CCNYL1: variants seen among roughly 807,000 people sequenced by gnomAD.
CCNYL1 encodes cyclin Y like 1, also known as cyclin-Y-like protein 1.
Under a neutral mutation model 44.2 loss-of-function variants are expected in CCNYL1, and 16 were observed. That is an observed-to-expected ratio of 0.36 (90% CI 0.25 to 0.55). The LOEUF (loss-of-function observed/expected upper bound fraction) is 0.55. Ranked by LOEUF, CCNYL1 falls within the 20% of genes least tolerant of loss-of-function variation. The pLI, the probability that CCNYL1 is intolerant of heterozygous loss-of-function variation, is 0.85. For missense variants in CCNYL1, 348 were observed against 451.8 expected, an observed-to-expected ratio of 0.77 and a Z score of 2.08; for synonymous variants, 159 against 163.2, an observed-to-expected ratio of 0.97 and a Z score of 0.20.
At chr2:207,751,441 T>C (rs1204710891) in intron 9 of CCNYL1, among the ~76,000 whole-genome samples, 1 of 152,202 alleles carries the variant, frequency 6.6e-6, no homozygotes, top group Non-Finnish European at 1.5e-5. Flanking sequence ...TTTTTTTAGC[T>C]GGGCACTGTG....
Position 207,724,803 on chromosome 2 carries a change from T to C in CCNYL1, c.224T>C (p.Leu75Ser), listed in dbSNP as rs959187149. 5.6e-6 allele frequency: 9 copies of C among 1,612,260 alleles called. No individual in the cohort carries two copies. In the African/African-American group the frequency reaches 1.1e-4, roughly 19 times the overall value. The change falls in exon 2 of 10, where the codon TTA becomes TCA. Residue 75 changes from leucine (L) to serine (S), a missense_variant. Leu to Ser is a moderately radical substitution (Grantham distance 145, BLOSUM62 -2). Coordinates refer to ENST00000295414, the MANE Select transcript of CCNYL1 (RefSeq NM_001330218.2). ...HISDREMPED[L>S]ALESNPSDHP... Reference sequence around the variant, plus strand: ...TCTTTTTCCTCCTCTTCTATAGATTTAGCTTTGGAGTCAAACCCTTCTGAC... The same window carrying C: ...TCTTTTTCCTCCTCTTCTATAGATTCAGCTTTGGAGTCAAACCCTTCTGAC...
chr2:207,720,607 C>A (rs1039378091), intron 1 of CCNYL1, among the ~76,000 whole-genome samples: 2 of 152,026 alleles, frequency 1.3e-5, no homozygotes, highest in Non-Finnish European at 2.9e-5. Flanking sequence ...AGATGGGGGT[C>A]TCACTATGTT....
intron 8 of CCNYL1, among the ~76,000 whole-genome samples, chr2:207,748,084 T>A (rs561542569): frequency 2.4e-3 from 360 of 152,310 alleles, no homozygotes; most frequent in Non-Finnish European, 4.4e-3. Context: ...CATTGTATAT[T>A]TGCTTTTGCT....
chr2:207,742,249 T>C lies in CCNYL1; in HGVS notation c.546T>C (p.Phe182=), dbSNP rs780056280. 5 of 1,612,430 alleles carry C rather than the reference T, an allele frequency of 3.1e-6. No individual in the cohort carries two copies. The highest frequency in any genetic ancestry group is 1.7e-6 in the Non-Finnish European group (2 of 1,179,694). Residue 182 remains phenylalanine, a synonymous_variant, in exon 7 of 10, where the codon TTT becomes TTC. Coordinates refer to ENST00000295414, the MANE Select transcript of CCNYL1 (RefSeq NM_001330218.2). ...LTREKVPEEY[F]KHDPEHKFIY... Reference sequence around the variant, plus strand: ...GAGAAAAAGTTCCAGAGGAATACTTTAAGCATGATCCTGAGCACAAATTTA... The same window carrying C: ...GAGAAAAAGTTCCAGAGGAATACTTCAAGCATGATCCTGAGCACAAATTTA...
rs1299979575 is a variant in CCNYL1, at chr2:207,737,532, TC to T, written c.467+87del. On this transcript the variant is annotated intron_variant, in intron 5 of 9. Transcript: ENST00000295414. The stretch of plus-strand genomic sequence containing the variant: ...CAGTATTAGGTCATAACTATAGACA[TC>T]ATAAGCTATAGATTGCTATTACAGT... 3 of 1,077,372 alleles carry T rather than the reference TC, an allele frequency of 2.8e-6. No individual in the cohort carries two copies. In the African/African-American group the frequency reaches 4.7e-5, roughly 17 times the overall value. The allele number at this position is 1,077,372 out of a possible 1,614,324, so 66.7% of individuals were successfully genotyped here.
chr2:207,747,401 A>AG (rs2091861821), intron 8 of CCNYL1, among the ~76,000 whole-genome samples, 188 bp downstream of exon 8: 1 of 152,144 alleles, frequency 6.6e-6, no homozygotes, highest in Non-Finnish European at 1.5e-5. Context: ...AAAAAAAAAA[A>AG]CTAACTTCAT....
rs2091925082 is a variant in CCNYL1, at chr2:207,755,453, A to AAAG, written c.*1756_*1758dup. On this transcript the variant is annotated 3_prime_UTR_variant, in exon 10 of 10. Coordinates refer to ENST00000295414, the MANE Select transcript of CCNYL1 (RefSeq NM_001330218.2). ...TAGCATTTATATTTCTACAAGTATC[A>AAAG]AAGCTTAAAATTACACTGAACTTTT... 1 of 152,214 alleles carries AAAG rather than the reference A, an allele frequency of 6.6e-6. No homozygotes were observed. The highest frequency in any genetic ancestry group is 6.5e-5 in the Admixed American group (1 of 15,286). 9.4% of individuals were successfully genotyped at this position (152,214 alleles called of 1,614,324 possible). A position where few individuals can be genotyped will look rare whatever the true frequency, so the allele number is the denominator to read the frequency against.
In CCNYL1 at chr2:207,751,014, C is replaced by T. The variant is rs61729929; in HGVS notation, c.864C>T (p.Ala288=). 7.6e-4 allele frequency: 1,219 copies of T among 1,613,846 alleles called. 7 individuals are homozygous for T. The Middle Eastern group carries it at 8.6e-3, about 11-fold the overall frequency. ...TTCAGTTTAATATTAATGTTCCTGC[C>T]AGTGTTTATGCCAAATACTACTTTG... ...ELLQFNINVP[A]SVYAKYYFDL... The change falls in exon 9 of 10, where the codon GCC becomes GCT. Residue 288 remains alanine (A), a synonymous_variant. Transcript: ENST00000295414.
chr2:207,730,375 G>T (rs930048303), intron 3 of CCNYL1, among the ~76,000 whole-genome samples: 2 of 152,134 alleles, frequency 1.3e-5, no homozygotes, highest in Admixed American at 1.3e-4. Context: ...ACTTGATCCT[G>T]TTCCAGTCAC....
chr2:207,741,244 C>A (rs1045071462), intron 6 of CCNYL1, among the ~76,000 whole-genome samples: 8 of 147,774 alleles, frequency 5.4e-5, no homozygotes, highest in Non-Finnish European at 8.9e-5. Flanking sequence ...GACAGTGAGA[C>A]TCCATCTCAA....
chr2:207,737,161 T>C (rs1188748262), intron 4 of CCNYL1, among the ~76,000 whole-genome samples: 5 of 152,168 alleles, frequency 3.3e-5, no homozygotes, highest in Admixed American at 2.0e-4. Context: ...GTGATCCACC[T>C]GCCTCGGCCT....
chr2:207,720,310 CT>C (rs1166662503), intron 1 of CCNYL1, among the ~76,000 whole-genome samples: 1 of 151,382 alleles, frequency 6.6e-6, no homozygotes, highest in Non-Finnish European at 1.5e-5. Context: ...TTTTTTCCAC[CT>C]TTTTTTCAGT....
intron 4 of CCNYL1, among the ~76,000 whole-genome samples, chr2:207,735,012 T>C (rs1215043860): frequency 6.6e-6 from 1 of 152,190 alleles, no homozygotes; most frequent in African/African-American, 2.4e-5. Context: ...CACTCCACTT[T>C]GGCTAGAGTC....
intron 8 of CCNYL1, 31 bp downstream of exon 8, chr2:207,747,244 A>G: frequency 1.9e-6 from 3 of 1,582,700 alleles, no homozygotes; most frequent in Non-Finnish European, 2.6e-6. Flanking sequence ...TGAACTTTCT[A>G]ACCATTTTCC....
chr2:207,743,536 G>A (rs2091827711), intron 7 of CCNYL1, among the ~76,000 whole-genome samples: 1 of 152,114 alleles, frequency 6.6e-6, no homozygotes, highest in Non-Finnish European at 1.5e-5. Context: ...GATCACTTGA[G>A]TGCAGTAGTT....
chr2:207,739,951 A>T (rs2663882), intron 5 of CCNYL1, among the ~76,000 whole-genome samples: 23,296 of 151,578 alleles, frequency 0.15, 2,951 homozygotes, highest in East Asian at 0.38. Flanking sequence ...CTTTTTTTTT[A>T]AATTATTTTT....
chr2:207,731,515 ATTTT>A (rs946133679), intron 3 of CCNYL1, among the ~76,000 whole-genome samples: 1 of 151,730 alleles, frequency 6.6e-6, no homozygotes, highest in African/African-American at 2.4e-5. Flanking sequence ...TGTTGTTTGG[ATTTT>A]TTTTAAGTAT....
chr2:207,740,982 A>G (rs902803764), intron 6 of CCNYL1, among the ~76,000 whole-genome samples: 37 of 152,170 alleles, frequency 2.4e-4, no homozygotes, highest in Non-Finnish European at 5.0e-4. Context: ...CAGGCCGGGC[A>G]CGGTGGCTCA....
Position 207,712,119 on chromosome 2 carries a change from AAGG to A in CCNYL1, c.220+7_220+9del. Reference sequence around the variant, plus strand: ...CAGCGACCGCGAGATGCCCGAAGGTAAGGAGGCGGCGGATGCCATCCGCCCTCG... The same window carrying A: ...CAGCGACCGCGAGATGCCCGAAGGTAAGGCGGCGGATGCCATCCGCCCTCG... On this transcript the variant is annotated splice_donor_5th_base_variant and intron_variant, in intron 1 of 9. Coordinates refer to ENST00000295414, the MANE Select transcript of CCNYL1 (RefSeq NM_001330218.2). 6.3e-7 allele frequency: 1 copy of A among 1,595,268 alleles called. No homozygotes were observed. The highest frequency in any genetic ancestry group is 8.5e-7 in the Non-Finnish European group (1 of 1,171,962).
Sources: gnomAD v4.1 joint callset for allele counts (sites outside exome capture counted in the v4.1 genomes callset) on GRCh38, gnomAD v4.1.1 for gene constraint, MANE v1.5 for transcripts, NCBI Gene and HGNC (gene_info 2026-07-23, HGNC 2026-07-21) for gene names.